Variants in MARCHF1 observed in about 807,000 individuals in gnomAD.
MARCHF1 encodes E3 ubiquitin-protein ligase MARCHF1.
In MARCHF1, 40 loss-of-function variants were observed where a neutral mutation model predicts 54.2. The observed-to-expected ratio is 0.74, with a 90% confidence interval of 0.57 to 0.96. The LOEUF (loss-of-function observed/expected upper bound fraction) is 0.96. MARCHF1 is among the 40% of genes least tolerant of loss of function. The pLI is 0.00. For missense variants in MARCHF1, 586 were observed against 656.5 expected, an observed-to-expected ratio of 0.89 and a Z score of 1.17; for synonymous variants, 236 against 236.3, an observed-to-expected ratio of 1.00 and a Z score of 0.01.
At chr4:164,244,882 C>G (rs1424959047) in intron 1 of MARCHF1, among the ~76,000 whole-genome samples, 1 of 151,722 alleles carries the variant, frequency 6.6e-6, no homozygotes, top group East Asian at 1.9e-4. Context: ...TTCCTTGACA[C>G]ATACACTCTC....
At position 163,651,525 on chromosome 4, in the gene MARCHF1, C is replaced by CTTTT. The variant is rs66848288; in HGVS notation, c.163-38136_163-38133dup. On this transcript the variant is annotated intron_variant, in intron 5 of 9. Coordinates refer to ENST00000514618, the MANE Select transcript of MARCHF1 (RefSeq NM_001394959.1). ...CTCTCTCTGTCTTTCAAGTACCATA[C>CTTTT]TTTTTTTTTTTTTTTTTTTACTGCA... 3.9e-3 allele frequency among the ~76,000 whole-genome samples: 512 copies of CTTTT among 131,024 alleles called. 7 individuals carry two copies. Among genetic ancestry groups the CTTTT allele is most frequent in the African/African-American group, 0.014 (493 of 35,652 alleles). 86.0% of individuals were successfully genotyped at this position (131,024 alleles called of 152,430 possible).
At chr4:164,100,583 A>G (rs920105831) in intron 2 of MARCHF1, among the ~76,000 whole-genome samples, 11 of 152,216 alleles carry the variant, frequency 7.2e-5, no homozygotes, top group Admixed American at 1.3e-4. Context: ...TGTTTTCAAC[A>G]TGGTTGGTAT....
chr4:163,954,813 A>C (rs567426487), intron 3 of MARCHF1, among the ~76,000 whole-genome samples: 1 of 152,274 alleles, frequency 6.6e-6, no homozygotes, highest in East Asian at 1.9e-4. Context: ...AGAGGCACAA[A>C]ACCAAGTAGC....
intron 1 of MARCHF1, among the ~76,000 whole-genome samples, chr4:164,377,623 ATGTGTC>A: frequency 6.6e-6 from 1 of 152,154 alleles, no homozygotes; most frequent in South Asian, 2.1e-4. Flanking sequence ...ACATACACAC[ATGTGTC>A]TGTGTCTGTA....
At position 163,543,928 on chromosome 4, in the gene MARCHF1, G is replaced by A. The variant is rs374842447; in HGVS notation, c.1339+1668C>T. ...CCAAGTGAGGGTGACCACTGGGAGAGGGGAGAGACTACATTACCTGGAGGA... is the reference window on the plus strand; with the variant it reads ...CCAAGTGAGGGTGACCACTGGGAGAAGGGAGAGACTACATTACCTGGAGGA... On this transcript the variant is annotated intron_variant, in intron 9 of 9. Coordinates refer to ENST00000514618, the MANE Select transcript of MARCHF1 (RefSeq NM_001394959.1). 6.6e-4 allele frequency among the ~76,000 whole-genome samples: 101 copies of A among 152,252 alleles called. 2 individuals carry two copies. Among genetic ancestry groups the A allele is most frequent in the South Asian group, 5.0e-3 (24 of 4,818 alleles).
rs1753722098 is a variant in MARCHF1 at position 164,024,186 on chromosome 4, T to G, written c.-247-35477A>C. 2.0e-5 allele frequency among the ~76,000 whole-genome samples: 3 copies of G among 152,008 alleles called. No homozygotes were observed. In the South Asian group the frequency reaches 6.2e-4, roughly 32 times the overall value. On this transcript the variant is annotated intron_variant, in intron 2 of 9. Coordinates refer to ENST00000514618, the MANE Select transcript of MARCHF1 (RefSeq NM_001394959.1). ...TTTGGAGGGCATAGTCCATGAAAATTTTTCTGTTCTCACTACAGAGCTTGA... is the reference window on the plus strand; with the variant it reads ...TTTGGAGGGCATAGTCCATGAAAATGTTTCTGTTCTCACTACAGAGCTTGA...
At chr4:164,256,459 A>C (rs1316955018) in intron 1 of MARCHF1, among the ~76,000 whole-genome samples, 2 of 150,894 alleles carry the variant, frequency 1.3e-5, no homozygotes, top group African/African-American at 4.8e-5. Context: ...GAAAGAAAAG[A>C]AAAGAAAAAG....
chr4:164,374,188 C>T (rs924892744), intron 1 of MARCHF1, among the ~76,000 whole-genome samples: 4 of 152,224 alleles, frequency 2.6e-5, no homozygotes, highest in Middle Eastern at 3.4e-3. Flanking sequence ...TACAATTATA[C>T]ACTCAGAAAA....
At chr4:164,218,598 G>A (rs983931007) in intron 1 of MARCHF1, among the ~76,000 whole-genome samples, 3 of 149,446 alleles carry the variant, frequency 2.0e-5, no homozygotes, top group African/African-American at 7.4e-5. Context: ...ACTATCCCAA[G>A]GACAAAAAAC....
At chr4:164,146,814 T>C (rs1055251561) in intron 1 of MARCHF1, among the ~76,000 whole-genome samples, 6 of 151,882 alleles carry the variant, frequency 4.0e-5, no homozygotes, top group African/African-American at 1.5e-4. Flanking sequence ...GAAGCCAAAA[T>C]TGACAAATGG....
chr4:164,023,421 T>C (rs1753706871), intron 2 of MARCHF1, among the ~76,000 whole-genome samples: 1 of 152,170 alleles, frequency 6.6e-6, no homozygotes, highest in African/African-American at 2.4e-5. Flanking sequence ...TGGCCATTAC[T>C]CTTAAGCACC....
At chr4:164,255,461 G>A (rs1450305045) in intron 1 of MARCHF1, among the ~76,000 whole-genome samples, 1 of 150,182 alleles carries the variant, frequency 6.7e-6, no homozygotes, top group Non-Finnish European at 1.5e-5. Context: ...GGTAAGGATA[G>A]GTCCAAATTC....
At position 164,240,785 on chromosome 4, in the gene MARCHF1, C is replaced by G. The variant is rs1732718734; in HGVS notation, c.-322-129123G>C. 4.6e-5 allele frequency among the ~76,000 whole-genome samples: 7 copies of G among 152,008 alleles called. No homozygotes were observed. The South Asian group carries it at 1.4e-3, about 31-fold the overall frequency. ...AAACTTAAAGCAAGGATGATAGTAG[C>G]TATCATGACATTCTTTGTTGGGGGA... On this transcript the variant is annotated intron_variant, in intron 1 of 9. Transcript: ENST00000514618.
intron 1 of MARCHF1, among the ~76,000 whole-genome samples, chr4:164,354,293 G>T (rs1234902496): frequency 1.5e-5 from 2 of 130,678 alleles, no homozygotes; most frequent in Non-Finnish European, 3.4e-5. Context: ...TACCAAAGCC[G>T]GGCAGAGACA....
intron 3 of MARCHF1, among the ~76,000 whole-genome samples, chr4:163,926,184 T>C (rs1751533806): frequency 6.6e-6 from 1 of 151,744 alleles, no homozygotes; most frequent in African/African-American, 2.4e-5. Context: ...GCAGCCATTA[T>C]TCTGACTTCA....
intron 1 of MARCHF1, among the ~76,000 whole-genome samples, chr4:164,288,371 G>C (rs760011146): frequency 6.6e-6 from 1 of 151,952 alleles, no homozygotes; most frequent in Non-Finnish European, 1.5e-5. Context: ...AGAATGAAGT[G>C]AAAAAAGAAA....
intron 4 of MARCHF1, among the ~76,000 whole-genome samples, chr4:163,808,438 T>G (rs1016837889): frequency 3.3e-5 from 5 of 152,232 alleles, no homozygotes; most frequent in Non-Finnish European, 5.9e-5. Flanking sequence ...TGAATGTTTT[T>G]GAATTTTAAT....
At chr4:163,965,236 C>T (rs4056342) in intron 3 of MARCHF1, among the ~76,000 whole-genome samples, 148,459 of 151,992 alleles carry the variant, frequency 0.98, 72,600 homozygotes, top group South Asian at 1. Context: ...AATATGGAGA[C>T]TCTAAGGACT....
chr4:163,563,861 C>G (rs1412564342), intron 8 of MARCHF1, among the ~76,000 whole-genome samples: 2 of 152,144 alleles, frequency 1.3e-5, no homozygotes, highest in African/African-American at 4.8e-5. Context: ...TAAATCTGTG[C>G]GTTTATCGAA....
Sources: gnomAD v4.1 joint callset for allele counts (sites outside exome capture counted in the v4.1 genomes callset) on GRCh38, gnomAD v4.1.1 for gene constraint, MANE v1.5 for transcripts, NCBI Gene and HGNC (gene_info 2026-07-23, HGNC 2026-07-21) for gene names.